ACO1: variants seen among roughly 807,000 people sequenced by gnomAD.
The protein encoded by ACO1 is aconitase 1, also known as cytoplasmic aconitate hydratase.
A neutral mutation model predicts 105.1 loss-of-function variants in ACO1; 78 were observed. That is an observed-to-expected ratio of 0.74 (90% CI 0.62 to 0.90). The LOEUF (loss-of-function observed/expected upper bound fraction) is 0.90. Ranked by LOEUF, ACO1 falls within the 40% of genes least tolerant of loss-of-function variation. The pLI is 0.00. For synonymous variants in ACO1, 364 were observed against 397.4 expected, an observed-to-expected ratio of 0.92 and a Z score of 1.00; for missense variants, 965 against 1,111.1, an observed-to-expected ratio of 0.87 and a Z score of 1.87.
chr9:32,424,762 T>C, intron 10 of ACO1, 97 bp downstream of exon 10: 1 of 817,628 alleles, frequency 1.2e-6, no homozygotes, highest in Non-Finnish European at 2.0e-6. Flanking sequence ...TGAATCTTCC[T>C]GTAGCCTGAA....
At chr9:32,386,301 T>A (rs1220852454) in intron 1 of ACO1, 2 of 152,236 alleles carry the variant, frequency 1.3e-5, no homozygotes, top group African/African-American at 2.4e-5. Flanking sequence ...TGCAGTTGCA[T>A]GGTTATTAGC....
intron 4 of ACO1, among the ~76,000 whole-genome samples, chr9:32,416,808 T>C (rs1285969585): frequency 6.6e-6 from 1 of 152,224 alleles, no homozygotes; most frequent in Admixed American, 6.5e-5. Context: ...AACAGCACTG[T>C]GTTATCGTCT....
At position 32,452,828 on chromosome 9, in the gene ACO1, C is replaced by G. The variant is rs916434634; in HGVS notation, c.*2717C>G. The G allele has an allele frequency of 6.6e-6, 1 of 151,854 alleles. No homozygotes were observed. Among genetic ancestry groups the G allele is most frequent in the Non-Finnish European group, 1.5e-5 (1 of 68,030 alleles). The allele number at this position is 151,854 out of a possible 1,614,324, so 9.4% of individuals were successfully genotyped here. On this transcript the variant is annotated 3_prime_UTR_variant, in exon 21 of 21. Coordinates refer to ENST00000309951, the MANE Select transcript of ACO1 (RefSeq NM_002197.3). ...AAATAAATAAATAAAATAAATCAGC[C>G]AGGTGTGCACCTGTGGTCCCAGCTG... is the stretch of plus-strand genomic sequence containing the variant.
chr9:32,400,506 A>T (rs1199656800), intron 1 of ACO1, among the ~76,000 whole-genome samples: 1 of 152,190 alleles, frequency 6.6e-6, no homozygotes, highest in Non-Finnish European at 1.5e-5. Flanking sequence ...GTTGGTGAAT[A>T]TCAAAGGACA....
chr9:32,426,885 C>A (rs1822111360), intron 11 of ACO1, among the ~76,000 whole-genome samples: 1 of 152,110 alleles, frequency 6.6e-6, no homozygotes, highest in Non-Finnish European at 1.5e-5. Flanking sequence ...CCGTTCCTTG[C>A]CAGCCAGCAC....
At chr9:32,440,032 CGAGGTGGGAGGATCACTT>C (rs1187220845) in intron 18 of ACO1, among the ~76,000 whole-genome samples, 1 of 151,948 alleles carries the variant, frequency 6.6e-6, no homozygotes, top group Non-Finnish European at 1.5e-5. Flanking sequence ...TTTGGGAGGC[CGAGGTGGGAGGATCACTT>C]GAGGTCAGGA....
intron 4 of ACO1, among the ~76,000 whole-genome samples, chr9:32,410,280 C>T (rs528337293): frequency 2.4e-4 from 36 of 152,186 alleles, no homozygotes; most frequent in African/African-American, 6.7e-4. Flanking sequence ...ACCTGATGGC[C>T]GGGCGTGGTG....
At chr9:32,445,910 T>TTGTG (rs1822594666) in intron 19 of ACO1, 1 of 152,454 alleles carries the variant, frequency 6.6e-6, no homozygotes, top group Admixed American at 6.5e-5. Context: ...TTCCATGTAG[T>TTGTG]TGTGTGGTTT....
intron 8 of ACO1, among the ~76,000 whole-genome samples, chr9:32,422,412 G>A (rs1166964606): frequency 6.6e-6 from 1 of 152,194 alleles, no homozygotes; most frequent in East Asian, 1.9e-4. Flanking sequence ...TCATACAGCT[G>A]TCTTTTATGA....
intron 17 of ACO1, chr9:32,435,854 C>A (rs1457667095): frequency 5.8e-6 from 2 of 342,756 alleles, no homozygotes; most frequent in Non-Finnish European, 1.1e-5. Flanking sequence ...TTTGTGGCTC[C>A]ATCTGATTTG....
At chr9:32,440,656 C>A in intron 19 of ACO1, 69 bp downstream of exon 19, 2 of 1,555,992 alleles carry the variant, frequency 1.3e-6, no homozygotes, top group Non-Finnish European at 8.7e-7. Context: ...GGCACAAATC[C>A]TGTTGCTTTA....
At chr9:32,389,007 C>T (rs1419597780) in intron 1 of ACO1, among the ~76,000 whole-genome samples, 1 of 152,166 alleles carries the variant, frequency 6.6e-6, no homozygotes, top group Non-Finnish European at 1.5e-5. Flanking sequence ...GAGAGACTCT[C>T]AAGTCAAAAC....
At chr9:32,424,475 C>A in intron 9 of ACO1, 74 bp from the exon 10 acceptor site, 1 of 964,720 alleles carries the variant, frequency 1.0e-6, no homozygotes, top group Non-Finnish European at 1.6e-6. Flanking sequence ...GTTTTAAATT[C>A]TCTGACATGC....
chr9:32,429,651 G>T, intron 13 of ACO1, 148 bp downstream of exon 13: 1 of 694,860 alleles, frequency 1.4e-6, no homozygotes. Flanking sequence ...ATTACTAGCT[G>T]GGTAACCTTG....
chr9:32,448,848 C>T lies in ACO1; in HGVS notation c.2371-48C>T, dbSNP rs756388838. On this transcript the variant is annotated intron_variant, in intron 19 of 20. Coordinates refer to ENST00000309951, the MANE Select transcript of ACO1 (RefSeq NM_002197.3). ...AAAGTCTTTTGTAAACCTGTGTATC[C>T]AAAGAAAAGATTGGAAGTATGTCTA... The T allele has an allele frequency of 3.7e-6, 6 of 1,607,504 alleles. No individual in the cohort carries two copies. The South Asian group carries it at 4.4e-5, about 12-fold the overall frequency.
chr9:32,397,650 A>C (rs1231078568), intron 1 of ACO1, among the ~76,000 whole-genome samples: 1 of 152,226 alleles, frequency 6.6e-6, no homozygotes, highest in Non-Finnish European at 1.5e-5. Flanking sequence ...ATTTCTCTTT[A>C]AACAGAAATG....
intron 4 of ACO1, among the ~76,000 whole-genome samples, chr9:32,415,943 T>C (rs1245707735): frequency 6.6e-6 from 1 of 152,122 alleles, no homozygotes; most frequent in Non-Finnish European, 1.5e-5. Context: ...TATATGGGCA[T>C]TGGGTCACAT....
chr9:32,412,534 T>C (rs930778565), intron 4 of ACO1, among the ~76,000 whole-genome samples: 2 of 152,200 alleles, frequency 1.3e-5, no homozygotes, highest in Non-Finnish European at 1.5e-5. Context: ...CTCCAGTTAA[T>C]ATTGCTAACA....
intron 18 of ACO1, among the ~76,000 whole-genome samples, chr9:32,437,127 C>T (rs1049639594): frequency 2.0e-5 from 3 of 152,114 alleles, no homozygotes; most frequent in Admixed American, 6.5e-5. Context: ...AAATAATAAT[C>T]GCTAATATGT....
Sources: gnomAD v4.1 joint callset for allele counts (sites outside exome capture counted in the v4.1 genomes callset) on GRCh38, gnomAD v4.1.1 for gene constraint, MANE v1.5 for transcripts, NCBI Gene and HGNC (gene_info 2026-07-23, HGNC 2026-07-21) for gene names.